Variants in SLC16A12 observed in about 807,000 individuals in gnomAD.
SLC16A12 encodes solute carrier family 16 member 12, also known as monocarboxylate transporter 12.
In SLC16A12, 17 loss-of-function variants were observed where a neutral mutation model predicts 42.4. The ratio of observed to expected loss-of-function variants is 0.40; its 90% CI spans 0.27 to 0.60. The LOEUF is 0.60. Ranked by LOEUF, SLC16A12 falls within the 20% of genes least tolerant of loss-of-function variation. SLC16A12 has a pLI of 0.42. For synonymous variants in SLC16A12, 224 were observed against 229.4 expected (o/e 0.98, Z 0.21); for missense variants, 544 against 623.0 (o/e 0.87, Z 1.35).
intron 3 of SLC16A12, among the ~76,000 whole-genome samples, chr10:89,452,688 C>T (rs1485630784): frequency 6.6e-6 from 1 of 152,084 alleles, no homozygotes; most frequent in Admixed American, 6.5e-5. Flanking sequence ...TAAGTCCCAG[C>T]AGAAGGTGGG....
chr10:89,537,994 C>A (rs1843691449), upstream of SLC16A12, among the ~76,000 whole-genome samples: 1 of 152,208 alleles, frequency 6.6e-6, no homozygotes, highest in African/African-American at 2.4e-5. Flanking sequence ...GAGTGCAATG[C>A]GTATAGGCAG....
At chr10:89,531,034 A>G (rs996140274) in intron 2 of SLC16A12, among the ~76,000 whole-genome samples, 1 of 152,132 alleles carries the variant, frequency 6.6e-6, no homozygotes, top group Non-Finnish European at 1.5e-5. Context: ...ATGGGTCCAT[A>G]TAGCGATCAA....
At position 89,462,488 on chromosome 10, in the gene SLC16A12, T is replaced by A. The variant is rs960656199; in HGVS notation, c.91A>T (p.Met31Leu). Residue 31 changes from methionine to leucine, a missense_variant, in exon 3 of 8, where the codon ATG (methionine) becomes TTG (leucine). Coordinates refer to ENST00000371790, the MANE Select transcript of SLC16A12 (RefSeq NM_213606.4). ...QPGKEEKRKT[M>L]AKVNRARSTS... ...GACCGAGCTCTATTTACTTTTGCCA[T>A]GGTTTTTCTTTTTTCTTCTTTTCCA... 1 of 1,613,934 alleles carries A rather than the reference T, an allele frequency of 6.2e-7. No individual in the cohort carries two copies. The highest frequency in any genetic ancestry group is 8.5e-7 in the Non-Finnish European group (1 of 1,179,958).
chr10:89,517,441 G>A (rs945060934), intron 2 of SLC16A12, among the ~76,000 whole-genome samples: 2 of 151,630 alleles, frequency 1.3e-5, no homozygotes, highest in African/African-American at 4.8e-5. Context: ...CTCCCAAGTA[G>A]GTAGGACTAT....
At chr10:89,494,822 C>G (rs1026645553) in intron 2 of SLC16A12, among the ~76,000 whole-genome samples, 1 of 152,178 alleles carries the variant, frequency 6.6e-6, no homozygotes, top group Non-Finnish European at 1.5e-5. Flanking sequence ...AAAAATAGGA[C>G]TGATGGAAAG....
intron 4 of SLC16A12, among the ~76,000 whole-genome samples, chr10:89,441,844 T>C (rs553002991): frequency 1.4e-4 from 22 of 152,332 alleles, no homozygotes; most frequent in African/African-American, 5.1e-4. Flanking sequence ...GTTTGTGGCT[T>C]ACCAGTGTAT....
Position 89,443,862 on chromosome 10 carries a change from G to T in SLC16A12, c.201-3C>A. ...CCACAAAAAAAATTGAGATACATCT[G>T]AAAAATACAATGCAGGCATTTTATA... is the stretch of plus-strand genomic sequence containing the variant. On this transcript the variant is annotated splice_region_variant and splice_polypyrimidine_tract_variant and intron_variant, in intron 3 of 7. Transcript: ENST00000371790. 1 of 1,581,072 alleles carries T rather than the reference G, an allele frequency of 6.3e-7. No homozygotes were observed. The highest frequency in any genetic ancestry group is 8.7e-7 in the Non-Finnish European group (1 of 1,149,846).
chr10:89,489,794 C>A (rs750560061), intron 2 of SLC16A12, among the ~76,000 whole-genome samples: 3 of 151,878 alleles, frequency 2.0e-5, no homozygotes, highest in Non-Finnish European at 4.4e-5. Flanking sequence ...TGTGTTTATA[C>A]CTGTAAACAC....
At chr10:89,468,253 G>C (rs1022376259) in intron 2 of SLC16A12, 2 of 152,228 alleles carry the variant, frequency 1.3e-5, no homozygotes, top group Admixed American at 6.5e-5. Context: ...TGGGGAGAAA[G>C]AGCCTCTCTG....
At chr10:89,549,856 C>G (rs1200701101) in intron 2 of SLC16A12, among the ~76,000 whole-genome samples, 1 of 152,100 alleles carries the variant, frequency 6.6e-6, no homozygotes, top group Admixed American at 6.5e-5. Flanking sequence ...AGAGCCATGA[C>G]CTAAGAAGTC....
chr10:89,512,942 A>G (rs1018627577), intron 2 of SLC16A12, among the ~76,000 whole-genome samples: 3 of 152,186 alleles, frequency 2.0e-5, no homozygotes, highest in African/African-American at 7.2e-5. Flanking sequence ...CCAGGTAGAT[A>G]GTTTCAGAAC....
chr10:89,471,730 G>C (rs769091558), intron 2 of SLC16A12, among the ~76,000 whole-genome samples: 7 of 152,186 alleles, frequency 4.6e-5, no homozygotes, highest in Non-Finnish European at 7.4e-5. Context: ...AAAGGTGGTT[G>C]TGTGATATTT....
Position 89,436,178 on chromosome 10 carries a change from A to G in SLC16A12, c.1170T>C (p.Tyr390=), listed in dbSNP as rs2133680076. 6.2e-7 allele frequency: 1 copy of G among 1,614,168 alleles called. No homozygotes were observed. The highest frequency in any genetic ancestry group is 2.2e-5 in the East Asian group (1 of 44,878). Residue 390 remains tyrosine (Y), a synonymous_variant, in exon 7 of 8, where the codon TAT becomes TAC. Transcript: ENST00000371790. ...SCTFGYFDGA[Y]VTLIPVVTTE... is the part of the protein sequence containing the mutation. ...TGGTCACTACTGGGATCAAAGTCAC[A>G]TAGGCACCATCAAAGTAGCCAAAGG...
At chr10:89,444,001 C>T (rs943873636) in intron 3 of SLC16A12, 142 bp from the exon 4 acceptor site, 1 of 683,096 alleles carries the variant, frequency 1.5e-6, no homozygotes, top group Non-Finnish European at 2.6e-6. Flanking sequence ...AAATCAGAAG[C>T]TGACCATTTG....
rs202078717 is a variant in SLC16A12 at position 89,486,668 on chromosome 10, G to A, written c.-46-24044C>T. Reference sequence around the variant, plus strand: ...GAAAGAAAGAAAGAAAGAAAGAAAAGAAAGAAAGAAAGAAAAGAAAGAAAA... The same window carrying A: ...GAAAGAAAGAAAGAAAGAAAGAAAAAAAAGAAAGAAAGAAAAGAAAGAAAA... On this transcript the variant is annotated intron_variant, in intron 2 of 7. Transcript: ENST00000371790. 7.2e-3 allele frequency among the ~76,000 whole-genome samples: 419 copies of A among 58,254 alleles called. 3 individuals carry two copies. The highest frequency in any genetic ancestry group is 0.024 in the East Asian group (53 of 2,214). The allele number at this position is 58,254 out of a possible 152,430, so 38.2% of individuals were successfully genotyped here.
intron 2 of SLC16A12, among the ~76,000 whole-genome samples, chr10:89,470,952 G>A (rs1176769817): frequency 6.6e-6 from 1 of 152,060 alleles, no homozygotes. Context: ...CCCTAGACCA[G>A]ACACACTCAT....
rs1843474369 is a variant in SLC16A12, at chr10:89,527,556, G to A, written c.-47+6945C>T. 4.6e-5 allele frequency among the ~76,000 whole-genome samples: 7 copies of A among 152,004 alleles called. No homozygotes were observed. In the South Asian group the frequency reaches 1.5e-3, roughly 32 times the overall value. The stretch of plus-strand genomic sequence containing the variant: ...TACATCTATAATCTCAGCACTTTGG[G>A]AGGCTGAGGAGAGAGGATTGCTTGA... On this transcript the variant is annotated intron_variant, in intron 2 of 7. Transcript: ENST00000371790.
chr10:89,441,651 T>C (rs913878057), intron 4 of SLC16A12, among the ~76,000 whole-genome samples: 7 of 152,170 alleles, frequency 4.6e-5, no homozygotes, highest in Non-Finnish European at 8.8e-5. Flanking sequence ...AGAAAGAAAG[T>C]GGATAACACC....
At chr10:89,513,336 C>G (rs1843194085) in intron 2 of SLC16A12, among the ~76,000 whole-genome samples, 1 of 152,132 alleles carries the variant, frequency 6.6e-6, no homozygotes, top group African/African-American at 2.4e-5. Flanking sequence ...CACCAATCCC[C>G]TCTTGTTGGA....
Sources: allele counts gnomAD v4.1 joint callset (sites outside exome capture counted in the v4.1 genomes callset), GRCh38; gene constraint gnomAD v4.1.1; transcripts MANE v1.5; gene names NCBI Gene and HGNC (gene_info 2026-07-23, HGNC 2026-07-21).